Variants in CRYBB1 observed in about 807,000 individuals in gnomAD.
CRYBB1 encodes the protein beta-crystallin B1.
Under a neutral mutation model 29.5 loss-of-function variants are expected in CRYBB1, and 16 were observed. That is an observed-to-expected ratio of 0.54 (90% CI 0.37 to 0.82). The LOEUF is 0.82. Among genes scored for constraint, CRYBB1 ranks in the 40% least tolerant of loss-of-function variants. CRYBB1 has a pLI of 0.00. For missense variants in CRYBB1, 300 were observed against 350.5 expected (o/e 0.86, Z 1.15); for synonymous variants, 127 against 136.7 (o/e 0.93, Z 0.49).
chr22:26,604,407 TCAC>T (rs1489538874), intron 4 of CRYBB1, among the ~76,000 whole-genome samples: 1 of 152,246 alleles, frequency 6.6e-6, no homozygotes, highest in Non-Finnish European at 1.5e-5. Context: ...CTACTGTTAT[TCAC>T]CACCACTAGG....
At chr22:26,611,623 C>T (rs953115904) in intron 3 of CRYBB1, among the ~76,000 whole-genome samples, 3 of 151,866 alleles carry the variant, frequency 2.0e-5, no homozygotes, top group African/African-American at 4.8e-5. Context: ...TACAGGCGCC[C>T]GCCACCACGC....
chr22:26,608,653 T>A (rs775102087), intron 3 of CRYBB1, among the ~76,000 whole-genome samples: 1 of 152,196 alleles, frequency 6.6e-6, no homozygotes, highest in Non-Finnish European at 1.5e-5. Flanking sequence ...TAAAATGTGT[T>A]TATTTGTGGT....
At chr22:26,612,899 G>T (rs1165799896) in intron 2 of CRYBB1, among the ~76,000 whole-genome samples, 1 of 152,068 alleles carries the variant, frequency 6.6e-6, no homozygotes, top group Non-Finnish European at 1.5e-5. Context: ...ATCGGCCTTG[G>T]TTGAGCATCC....
At chr22:26,602,835 G>A (rs8138884) in intron 4 of CRYBB1, among the ~76,000 whole-genome samples, 21,784 of 151,986 alleles carry the variant, frequency 0.14, 2,059 homozygotes, top group South Asian at 0.3. Context: ...TTCAAATCCT[G>A]CCTCTAGGCC....
At chr22:26,614,276 T>C (rs1434107278) in intron 2 of CRYBB1, among the ~76,000 whole-genome samples, 1 of 152,196 alleles carries the variant, frequency 6.6e-6, no homozygotes, top group East Asian at 1.9e-4. Flanking sequence ...AACTCCCTAA[T>C]AAAAACTTGC....
At chr22:26,612,275 A>C in intron 2 of CRYBB1, 85 bp from the exon 3 acceptor site, 2 of 855,644 alleles carry the variant, frequency 2.3e-6, no homozygotes, top group South Asian at 2.7e-5. Context: ...AAAAGCCAGC[A>C]GTGCAGGAGT....
chr22:26,606,156 G>C (rs1210824602), intron 4 of CRYBB1, among the ~76,000 whole-genome samples: 1 of 152,194 alleles, frequency 6.6e-6, no homozygotes, highest in Non-Finnish European at 1.5e-5. Flanking sequence ...CTCAGCCCTG[G>C]CTGCACAGAC....
chr22:26,608,636 G>T (rs376794703), intron 3 of CRYBB1, among the ~76,000 whole-genome samples: 1 of 151,932 alleles, frequency 6.6e-6, no homozygotes, highest in African/African-American at 2.4e-5. Flanking sequence ...TGGTGTCAGG[G>T]TTCTTTTAAA....
At chr22:26,606,918 A>G (rs372236269) in intron 4 of CRYBB1, among the ~76,000 whole-genome samples, 58 of 152,246 alleles carry the variant, frequency 3.8e-4, no homozygotes, top group African/African-American at 1.3e-3. Flanking sequence ...TTTGACCTTG[A>G]ATCTTCTGGA....
intron 5 of CRYBB1, among the ~76,000 whole-genome samples, chr22:26,601,426 C>T (rs181845502): frequency 1.5e-4 from 23 of 152,130 alleles, no homozygotes; most frequent in African/African-American, 5.1e-4. Flanking sequence ...TAGGCTCACT[C>T]GAGTTCCTCA....
At chr22:26,604,581 G>A (rs931319633) in intron 4 of CRYBB1, among the ~76,000 whole-genome samples, 2 of 152,204 alleles carry the variant, frequency 1.3e-5, no homozygotes, top group Non-Finnish European at 2.9e-5. Context: ...TGGAGGTTAA[G>A]GAGGAGTGCA....
intron 2 of CRYBB1, among the ~76,000 whole-genome samples, chr22:26,614,763 T>G (rs1569207745): frequency 6.6e-6 from 1 of 152,116 alleles, no homozygotes; most frequent in Non-Finnish European, 1.5e-5. Flanking sequence ...AGGCGGAGGC[T>G]AGGAGTTCGA....
At position 26,616,060 on chromosome 22, in the gene CRYBB1, GAGGAGGAGGAGAAGA is replaced by G. The variant is rs1808574635; in HGVS notation, c.180+65_180+79del. On this transcript the variant is annotated intron_variant, in intron 2 of 5. Coordinates refer to ENST00000647684, the MANE Select transcript of CRYBB1 (RefSeq NM_001887.4). ...GGAGGAGTAAGAGGTGAAAGAGGAAGAGGAGGAGGAGAAGAAGGAGGAGGAGGGAAGGAAGGAAAG... is the reference window on the plus strand; with the variant it reads ...GGAGGAGTAAGAGGTGAAAGAGGAAGAGGAGGAGGAGGGAAGGAAGGAAAG... The G allele has an allele frequency of 8.2e-6, 9 of 1,097,600 alleles. No individual in the cohort carries two copies. In the Admixed American group the frequency reaches 1.4e-4, roughly 17 times the overall value. The allele number at this position is 1,097,600 out of a possible 1,614,324, so 68.0% of individuals were successfully genotyped here.
At chr22:26,604,871 C>A (rs1384049666) in intron 4 of CRYBB1, among the ~76,000 whole-genome samples, 1 of 152,156 alleles carries the variant, frequency 6.6e-6, no homozygotes, top group Non-Finnish European at 1.5e-5. Context: ...GTCAATGGCT[C>A]CCCACTGCTA....
At chr22:26,610,479 C>G (rs958857718) in intron 3 of CRYBB1, among the ~76,000 whole-genome samples, 5 of 152,136 alleles carry the variant, frequency 3.3e-5, no homozygotes, top group African/African-American at 1.2e-4. Flanking sequence ...GAGAAATACT[C>G]TGGGTTTGAG....
At chr22:26,615,804 G>T (rs981246396) in intron 2 of CRYBB1, among the ~76,000 whole-genome samples, 2 of 152,150 alleles carry the variant, frequency 1.3e-5, no homozygotes, top group African/African-American at 4.8e-5. Context: ...ATGAGCCACT[G>T]CGCCCGGCCC....
chr22:26,611,610 G>T (rs994738056), intron 3 of CRYBB1, among the ~76,000 whole-genome samples: 2 of 151,988 alleles, frequency 1.3e-5, no homozygotes, highest in Non-Finnish European at 2.9e-5. Flanking sequence ...GAGTAGCTGG[G>T]ACTACAGGCG....
At chr22:26,609,395 T>C (rs1346786507) in intron 3 of CRYBB1, among the ~76,000 whole-genome samples, 1 of 152,060 alleles carries the variant, frequency 6.6e-6, no homozygotes, top group Non-Finnish European at 1.5e-5. Flanking sequence ...GATGGACAGA[T>C]GAATGGGTGG....
Position 26,612,149 on chromosome 22 carries a change from T to G in CRYBB1, c.222A>C (p.Ala74=). The change falls in exon 3 of 6, where the codon GCA becomes GCC. Residue 74 remains alanine (A), a synonymous_variant. Transcript: ENST00000647684. ...FELENFQGRR[A]EFSGECSNLA... ...GATTTGAGCACTCCCCCGAGAATTC[T>G]GCTCGACGGCCCTGGAAGTTTTCCA... The G allele has an allele frequency of 6.2e-7, 1 of 1,613,686 alleles. No individual in the cohort carries two copies. Among genetic ancestry groups the G allele is most frequent in the Non-Finnish European group, 8.5e-7 (1 of 1,179,916 alleles).
Sources: allele counts gnomAD v4.1 joint callset (sites outside exome capture counted in the v4.1 genomes callset), GRCh38; gene constraint gnomAD v4.1.1; transcripts MANE v1.5; gene names NCBI Gene and HGNC (gene_info 2026-07-23, HGNC 2026-07-21).